The following LEKR1 variants were observed in gnomAD, a reference collection of about 807,000 sequenced individuals.
LEKR1 encodes protein LEKR1.
LEKR1 carries 59 observed loss-of-function variants against 72.4 expected under a neutral mutation model. That is an observed-to-expected ratio of 0.82 (90% CI 0.66 to 1.01). The LOEUF is 1.01. Among genes scored for constraint, LEKR1 ranks in the 50% least tolerant of loss-of-function variants. The pLI is 0.00. For synonymous variants in LEKR1, 257 were observed against 263.2 expected (o/e 0.98, Z 0.23); for missense variants, 728 against 759.2 (o/e 0.96, Z 0.48).
chr3:156,899,844 G>A (rs1287107870), intron 3 of LEKR1, among the ~76,000 whole-genome samples: 3 of 150,688 alleles, frequency 2.0e-5, no homozygotes, highest in Non-Finnish European at 3.0e-5. Context: ...GTACATATGT[G>A]TATATATGTA....
intron 3 of LEKR1, among the ~76,000 whole-genome samples, chr3:156,874,227 C>T (rs1275003497): frequency 6.6e-6 from 1 of 151,872 alleles, no homozygotes; most frequent in Admixed American, 6.6e-5. Flanking sequence ...CAATATCTTT[C>T]TCTTTGGTAA....
At chr3:157,000,402 T>C (rs1731912525) in intron 9 of LEKR1, among the ~76,000 whole-genome samples, 1 of 152,190 alleles carries the variant, frequency 6.6e-6, no homozygotes, top group Admixed American at 6.5e-5. Context: ...TGATGCAAGA[T>C]AAAGTCCATT....
chr3:156,943,385 A>AT (rs888369884), intron 6 of LEKR1, among the ~76,000 whole-genome samples: 34 of 151,834 alleles, frequency 2.2e-4, no homozygotes, highest in African/African-American at 7.5e-4. Context: ...GGGAACTCAC[A>AT]TTTTTTTAAG....
At chr3:156,941,504 TC>T (rs1312128276) in intron 5 of LEKR1, among the ~76,000 whole-genome samples, 3 of 152,066 alleles carry the variant, frequency 2.0e-5, no homozygotes, top group Non-Finnish European at 4.4e-5. Context: ...CTTGTGGTCT[TC>T]ACTGGCCCAC....
chr3:156,926,692 G>T (rs1159695111), intron 4 of LEKR1, among the ~76,000 whole-genome samples: 7 of 151,874 alleles, frequency 4.6e-5, no homozygotes, highest in African/African-American at 1.4e-4. Context: ...TTCAATATTT[G>T]TTGAGCACAT....
chr3:156,870,718 TAGG>T (rs941111839), intron 3 of LEKR1, among the ~76,000 whole-genome samples: 3 of 152,094 alleles, frequency 2.0e-5, no homozygotes, highest in African/African-American at 7.2e-5. Flanking sequence ...CTGAGTGGAA[TAGG>T]AGTAGTGAAA....
intron 3 of LEKR1, among the ~76,000 whole-genome samples, chr3:156,901,092 A>C (rs903882256): frequency 6.6e-6 from 1 of 151,404 alleles, no homozygotes; most frequent in East Asian, 1.9e-4. Flanking sequence ...CGCCAACCCC[A>C]GTAGCTGGGA....
intron 3 of LEKR1, among the ~76,000 whole-genome samples, chr3:156,891,193 G>A (rs1332495903): frequency 1.3e-5 from 2 of 152,058 alleles, no homozygotes; most frequent in Non-Finnish European, 2.9e-5. Context: ...TTTTAACAAA[G>A]AGAACTGAAG....
intron 3 of LEKR1, among the ~76,000 whole-genome samples, chr3:156,864,805 G>A (rs148324283): frequency 7.6e-4 from 116 of 151,764 alleles, no homozygotes; most frequent in African/African-American, 2.7e-3. Flanking sequence ...TTTTTATGTG[G>A]CCTTTCATGA....
intron 3 of LEKR1, among the ~76,000 whole-genome samples, chr3:156,856,714 A>AT: frequency 6.6e-6 from 1 of 151,908 alleles, no homozygotes; most frequent in African/African-American, 2.4e-5. Context: ...TTTTTATTAC[A>AT]TTTTTTTGAA....
At chr3:156,840,859 T>C (rs1218426746) in intron 2 of LEKR1, among the ~76,000 whole-genome samples, 1 of 152,194 alleles carries the variant, frequency 6.6e-6, no homozygotes, top group Non-Finnish European at 1.5e-5. Context: ...ACCTGAGAAA[T>C]GGTGCTTATA....
intron 3 of LEKR1, among the ~76,000 whole-genome samples, chr3:156,882,371 C>G (rs1195131531): frequency 6.6e-6 from 1 of 152,008 alleles, no homozygotes; most frequent in African/African-American, 2.4e-5. Context: ...CAAAAGAAGA[C>G]ATTTATGCAG....
At chr3:156,948,265 C>T (rs1190361515) in intron 6 of LEKR1, among the ~76,000 whole-genome samples, 1 of 150,852 alleles carries the variant, frequency 6.6e-6, no homozygotes, top group Non-Finnish European at 1.5e-5. Flanking sequence ...GTCAGTTTTG[C>T]CTCTACCATA....
intron 9 of LEKR1, among the ~76,000 whole-genome samples, chr3:156,996,850 A>G (rs1242208397): frequency 6.6e-6 from 1 of 152,104 alleles, no homozygotes; most frequent in Non-Finnish European, 1.5e-5. Flanking sequence ...GGATCATCTA[A>G]GGTCAGTGGT....
intron 12 of LEKR1, among the ~76,000 whole-genome samples, chr3:157,029,648 C>G (rs1216086974): frequency 1.3e-5 from 2 of 152,066 alleles, no homozygotes; most frequent in Non-Finnish European, 2.9e-5. Flanking sequence ...CTCAGTCCCC[C>G]CAATGAAGGA....
chr3:156,838,846 A>G (rs539518469), intron 2 of LEKR1, among the ~76,000 whole-genome samples: 1 of 152,290 alleles, frequency 6.6e-6, no homozygotes, highest in East Asian at 1.9e-4. Flanking sequence ...CAAACTTATA[A>G]TAGCCCGATG....
chr3:156,840,113 C>T (rs1300925571), intron 2 of LEKR1, among the ~76,000 whole-genome samples: 2 of 152,098 alleles, frequency 1.3e-5, no homozygotes, highest in East Asian at 3.9e-4. Context: ...ATTTTCTTAA[C>T]ATTTTCTTTT....
intron 10 of LEKR1, among the ~76,000 whole-genome samples, chr3:157,020,926 C>A (rs1733786016): frequency 6.6e-6 from 1 of 150,936 alleles, no homozygotes; most frequent in Non-Finnish European, 1.5e-5. Context: ...TTCTCCACAT[C>A]CTCTCCAGCA....
At chr3:157,029,727 C>T (rs927594915) in intron 12 of LEKR1, among the ~76,000 whole-genome samples, 2 of 152,008 alleles carry the variant, frequency 1.3e-5, no homozygotes, top group African/African-American at 4.8e-5. Flanking sequence ...GCTAGAGAAA[C>T]CCTGAGAAAG....
Sources: allele counts gnomAD v4.1 joint callset (sites outside exome capture counted in the v4.1 genomes callset), GRCh38; gene constraint gnomAD v4.1.1; transcripts MANE v1.5; gene names NCBI Gene and HGNC (gene_info 2026-07-23, HGNC 2026-07-21).